The following CTNNA3 variants were observed in gnomAD, a reference collection of about 807,000 sequenced individuals.
CTNNA3 encodes catenin alpha 3, also known as catenin alpha-3.
A neutral mutation model predicts 95.7 loss-of-function variants in CTNNA3; 76 were observed. That is an observed-to-expected ratio of 0.79 (90% CI 0.66 to 0.96). The LOEUF (loss-of-function observed/expected upper bound fraction) is 0.96, where lower values mean the gene tolerates loss of function less well. CTNNA3 is among the 40% of genes least tolerant of loss of function. CTNNA3 has a pLI of 0.00. For synonymous variants in CTNNA3, 431 were observed against 374.4 expected (o/e 1.15, Z -1.74); for missense variants, 1,191 against 1,089.8 (o/e 1.09, Z -1.31).
intron 13 of CTNNA3, among the ~76,000 whole-genome samples, chr10:66,173,189 T>A (rs74558358): frequency 0.03 from 4,622 of 152,242 alleles, 245 homozygotes; most frequent in African/African-American, 0.11. Context: ...TTTACCATGA[T>A]AAGTGAGTTG....
intron 7 of CTNNA3, among the ~76,000 whole-genome samples, chr10:67,042,456 A>G (rs1854456018): frequency 6.6e-6 from 1 of 152,156 alleles, no homozygotes; most frequent in Admixed American, 6.5e-5. Context: ...ATGTCTTCTA[A>G]GCATGTAGAT....
At chr10:66,044,330 A>C (rs1055406374) in intron 15 of CTNNA3, among the ~76,000 whole-genome samples, 1 of 152,194 alleles carries the variant, frequency 6.6e-6, no homozygotes, top group African/African-American at 2.4e-5. Context: ...CAAACCAAAC[A>C]AATGTTTATA....
intron 14 of CTNNA3, among the ~76,000 whole-genome samples, chr10:66,083,359 G>C (rs941973404): frequency 2.0e-5 from 3 of 152,066 alleles, no homozygotes; most frequent in Non-Finnish European, 2.9e-5. Flanking sequence ...TAACGCAACT[G>C]GACCAAGCAG....
chr10:67,292,562 C>T lies in CTNNA3; in HGVS notation c.580-72692G>A, dbSNP rs920370837. On this transcript the variant is annotated intron_variant, in intron 5 of 17. Coordinates refer to ENST00000433211, the MANE Select transcript of CTNNA3 (RefSeq NM_013266.4). ...TACTTTTTCAGATTCCATAATTAGTCCCCCTCCCATTTTTATATCTATAAA... is the reference window on the plus strand; with the variant it reads ...TACTTTTTCAGATTCCATAATTAGTTCCCCTCCCATTTTTATATCTATAAA... Among the ~76,000 whole-genome samples, 4 of 152,042 alleles carry T rather than the reference C, an allele frequency of 2.6e-5. No individual in the cohort carries two copies. The East Asian group carries it at 7.7e-4, about 29-fold the overall frequency.
chr10:66,872,446 A>C (rs545162416), intron 7 of CTNNA3, among the ~76,000 whole-genome samples: 3 of 152,066 alleles, frequency 2.0e-5, no homozygotes, highest in Non-Finnish European at 2.9e-5. Flanking sequence ...AGGCAGGTGG[A>C]TTGTCTGAGC....
At chr10:67,722,797 A>G (rs1841187147) in intron 1 of CTNNA3, among the ~76,000 whole-genome samples, 1 of 152,146 alleles carries the variant, frequency 6.6e-6, no homozygotes, top group South Asian at 2.1e-4. Flanking sequence ...TTAAGCTTAT[A>G]TTTTCAGATT....
intron 7 of CTNNA3, among the ~76,000 whole-genome samples, chr10:66,944,159 A>T (rs890102207): frequency 6.6e-5 from 10 of 152,238 alleles, no homozygotes; most frequent in African/African-American, 2.4e-4. Flanking sequence ...TCAAAATTGA[A>T]GTCAATCCTC....
chr10:66,311,879 A>G (rs747537864), intron 12 of CTNNA3, among the ~76,000 whole-genome samples: 39 of 152,274 alleles, frequency 2.6e-4, no homozygotes, highest in South Asian at 8.3e-4. Context: ...TACGTAGATG[A>G]TAAGACTTTT....
At chr10:66,308,337 T>C (rs923250086) in intron 12 of CTNNA3, among the ~76,000 whole-genome samples, 2 of 152,196 alleles carry the variant, frequency 1.3e-5, no homozygotes, top group Admixed American at 1.3e-4. Context: ...TTTTTCTAAA[T>C]TTTGAGATTC....
At chr10:65,967,905 C>T (rs2167707) in intron 16 of CTNNA3, among the ~76,000 whole-genome samples, 2,362 of 151,788 alleles carry the variant, frequency 0.016, 68 homozygotes, top group African/African-American at 0.054. Flanking sequence ...TGTATAATAA[C>T]AAAATTTGGA....
chr10:66,345,416 G>A (rs2092499140), intron 12 of CTNNA3, among the ~76,000 whole-genome samples: 1 of 152,056 alleles, frequency 6.6e-6, no homozygotes. Context: ...GTTAAATCAG[G>A]CAGTGTGAAT....
At chr10:65,947,226 C>CA (rs1364233992) in intron 17 of CTNNA3, among the ~76,000 whole-genome samples, 2 of 151,260 alleles carry the variant, frequency 1.3e-5, no homozygotes, top group Non-Finnish European at 2.9e-5. Flanking sequence ...CAGGAATGGA[C>CA]AAAAAAACAG....
intron 16 of CTNNA3, among the ~76,000 whole-genome samples, chr10:65,972,220 G>A (rs866519725): frequency 2.6e-5 from 4 of 151,922 alleles, no homozygotes; most frequent in Non-Finnish European, 5.9e-5. Context: ...ATGGACAAAA[G>A]CTGAAACCAA....
chr10:65,924,118 C>T (rs1249744920), intron 17 of CTNNA3, among the ~76,000 whole-genome samples: 2 of 152,114 alleles, frequency 1.3e-5, no homozygotes, highest in Non-Finnish European at 2.9e-5. Context: ...AAGGCAAATG[C>T]TTAGCTGAAG....
chr10:67,352,490 T>C (rs1177078445), intron 5 of CTNNA3, among the ~76,000 whole-genome samples: 1 of 151,866 alleles, frequency 6.6e-6, no homozygotes, highest in Non-Finnish European at 1.5e-5. Flanking sequence ...AGTAGTATTA[T>C]TCCTTACTGA....
intron 7 of CTNNA3, among the ~76,000 whole-genome samples, chr10:66,915,313 A>G (rs1020916238): frequency 6.6e-6 from 1 of 152,132 alleles, no homozygotes; most frequent in Non-Finnish European, 1.5e-5. Flanking sequence ...GAATCAGAAT[A>G]TTGTCTGATT....
At chr10:67,364,875 T>G (rs912208656) in intron 5 of CTNNA3, among the ~76,000 whole-genome samples, 2 of 152,156 alleles carry the variant, frequency 1.3e-5, no homozygotes, top group African/African-American at 4.8e-5. Flanking sequence ...AAAAACCTAC[T>G]TTAAAATTCA....
intron 11 of CTNNA3, among the ~76,000 whole-genome samples, chr10:66,406,339 A>T (rs2093057368): frequency 6.6e-6 from 1 of 152,160 alleles, no homozygotes; most frequent in Non-Finnish European, 1.5e-5. Context: ...AAGAATAAGA[A>T]TGGAATACAA....
At chr10:67,229,909 C>T (rs1433873208) in intron 5 of CTNNA3, among the ~76,000 whole-genome samples, 1 of 152,084 alleles carries the variant, frequency 6.6e-6, no homozygotes, top group Non-Finnish European at 1.5e-5. Flanking sequence ...AAGCAATCTA[C>T]AAATTTAATG....
Sources: gnomAD v4.1 joint callset for allele counts (sites outside exome capture counted in the v4.1 genomes callset) on GRCh38, gnomAD v4.1.1 for gene constraint, MANE v1.5 for transcripts, NCBI Gene and HGNC (gene_info 2026-07-23, HGNC 2026-07-21) for gene names.